Variants in TSPAN8 observed in about 807,000 individuals in gnomAD.
TSPAN8 encodes the protein tetraspanin 8.
A neutral mutation model predicts 32.8 loss-of-function variants in TSPAN8; 21 were observed. The observed-to-expected ratio is 0.64, with a 90% CI of 0.45 to 0.92. The LOEUF (loss-of-function observed/expected upper bound fraction) is 0.92. Among genes scored for constraint, TSPAN8 ranks in the 40% least tolerant of loss-of-function variants. TSPAN8 has a pLI of 0.00. For missense variants in TSPAN8, 269 were observed against 281.9 expected (o/e 0.95, Z 0.33); for synonymous variants, 95 against 94.6 (o/e 1.00, Z -0.03).
chr12:71,128,736 T>C (rs988147942), intron 8 of TSPAN8, among the ~76,000 whole-genome samples: 3 of 151,742 alleles, frequency 2.0e-5, no homozygotes, highest in Non-Finnish European at 4.4e-5. Flanking sequence ...ATTAAAGTGA[T>C]GAAAGTAATA....
At chr12:71,137,601 C>A (rs1380417920) in intron 6 of TSPAN8, among the ~76,000 whole-genome samples, 3 of 70,572 alleles carry the variant, frequency 4.3e-5, no homozygotes, top group African/African-American at 8.6e-5. Flanking sequence ...CTCTGTCCCC[C>A]CCCAAAAAAA....
In TSPAN8 at chr12:71,129,403, A is replaced by G; in HGVS notation, c.588T>C (p.Ser196=). The part of the protein sequence containing the change: ...GKQVYKETCI[S]FIKDFLAKNL... The stretch of plus-strand genomic sequence containing the variant: ...TTTTTGCCAAGAAGTCTTTTATGAA[A>G]GAAATACAGGTCTGTTAAAAAAAAA... Residue 196 remains serine, a synonymous_variant, in exon 8 of 9, where the codon TCT becomes TCC. Coordinates refer to ENST00000247829, the MANE Select transcript of TSPAN8 (RefSeq NM_004616.3). The G allele has an allele frequency of 2.5e-6, 4 of 1,579,018 alleles. No individual in the cohort carries two copies. The highest frequency in any genetic ancestry group is 1.7e-4 in the Middle Eastern group (1 of 5,922).
intron 6 of TSPAN8, among the ~76,000 whole-genome samples, chr12:71,133,140 G>A (rs945687307): frequency 1.3e-5 from 2 of 152,110 alleles, no homozygotes; most frequent in African/African-American, 4.8e-5. Flanking sequence ...CTGGAGTGCA[G>A]TGACGCGATC....
intron 3 of TSPAN8, among the ~76,000 whole-genome samples, chr12:71,142,152 AT>A (rs1241032729): frequency 6.6e-6 from 1 of 152,172 alleles, no homozygotes. Context: ...TGAGAAAAAT[AT>A]AAACCAAGCC....
rs146168385 is a variant in TSPAN8, at chr12:71,129,746, T to C, written c.577-332A>G. 5.0e-4 allele frequency among the ~76,000 whole-genome samples: 76 copies of C among 152,222 alleles called. No individual in the cohort carries two copies. In the East Asian group the frequency reaches 0.012, roughly 24 times the overall value. On this transcript the variant is annotated intron_variant, in intron 7 of 8. Coordinates refer to ENST00000247829, the MANE Select transcript of TSPAN8 (RefSeq NM_004616.3). Reference sequence around the variant, plus strand: ...TTTATAATTTATACTATAAATTTTATAGCTGATAAAGCTATATATTTTACA... The same window carrying C: ...TTTATAATTTATACTATAAATTTTACAGCTGATAAAGCTATATATTTTACA...
At position 71,144,225 on chromosome 12, in the gene TSPAN8, A is replaced by C; in HGVS notation, c.61-12T>G. ...AAGATACCACATAGCTGCAGAAAAAAACAAACAAACAAAAAGAATACAATT... is the reference window on the plus strand; with the variant it reads ...AAGATACCACATAGCTGCAGAAAAACACAAACAAACAAAAAGAATACAATT... On this transcript the variant is annotated splice_polypyrimidine_tract_variant and intron_variant, in intron 2 of 8. Coordinates refer to ENST00000247829, the MANE Select transcript of TSPAN8 (RefSeq NM_004616.3). 6.2e-7 allele frequency: 1 copy of C among 1,606,750 alleles called. No homozygotes were observed. Among genetic ancestry groups the C allele is most frequent in the Non-Finnish European group, 8.5e-7 (1 of 1,177,724 alleles).
At chr12:71,157,142 C>T (rs1182398922) in intron 2 of TSPAN8, 1 of 152,550 alleles carries the variant, frequency 6.6e-6, no homozygotes, top group Non-Finnish European at 1.5e-5. Context: ...TTTTTCATGA[C>T]CCATTTTTTT....
At position 71,148,633 on chromosome 12, in the gene TSPAN8, T is replaced by C. The variant is rs368441988; in HGVS notation, c.61-4420A>G. Among the ~76,000 whole-genome samples the C allele has an allele frequency of 6.6e-5, 10 of 152,180 alleles. No individual in the cohort carries two copies. The East Asian group carries it at 9.6e-4, about 15-fold the overall frequency. The stretch of plus-strand genomic sequence containing the variant: ...TTGTCCTCTTTTTCAGGAGTACAGC[T>C]TATTTTGGGTTTCCATTCTCTGTTG... On this transcript the variant is annotated intron_variant, in intron 2 of 8. Coordinates refer to ENST00000247829, the MANE Select transcript of TSPAN8 (RefSeq NM_004616.3).
intron 6 of TSPAN8, among the ~76,000 whole-genome samples, chr12:71,137,155 T>C (rs1451299439): frequency 1.3e-5 from 2 of 152,090 alleles, no homozygotes; most frequent in African/African-American, 2.4e-5. Flanking sequence ...TGGTGTGTGC[T>C]TGTGGTCCTA....
intron 6 of TSPAN8, among the ~76,000 whole-genome samples, chr12:71,137,693 T>C (rs1435363308): frequency 2.6e-5 from 4 of 152,218 alleles, no homozygotes; most frequent in Non-Finnish European, 4.4e-5. Flanking sequence ...AAAACTATTA[T>C]TGATTTGACT....
chr12:71,143,635 C>T (rs371567275), intron 3 of TSPAN8, among the ~76,000 whole-genome samples: 43 of 152,256 alleles, frequency 2.8e-4, no homozygotes, highest in African/African-American at 1.0e-3. Flanking sequence ...TGCCAGTTGC[C>T]ACAGGTAAAT....
rs780409087 is a variant in TSPAN8, at chr12:71,138,194, C to A, written c.298G>T (p.Val100Leu). 2 of 1,614,016 alleles carry A rather than the reference C, an allele frequency of 1.2e-6. No homozygotes were observed. Among genetic ancestry groups the A allele is most frequent in the Admixed American group, 1.7e-5 (1 of 59,998 alleles). ...ACAGCTCCTAGGATACCTGTCGCCA[C>A]CTGCAGGAGCAGGATCAGAAGCAAG... ...IGLLLILLLQ[V>L]ATGILGAVFK... Residue 100 changes from valine (V) to leucine (L), a missense_variant, in exon 5 of 9, where the codon GTG (valine) becomes TTG (leucine). Physicochemically the swap from Val to Leu is conservative, Grantham distance 32. Coordinates refer to ENST00000247829, the MANE Select transcript of TSPAN8 (RefSeq NM_004616.3).
At chr12:71,132,646 G>T (rs1340683441) in intron 7 of TSPAN8, 47 bp downstream of exon 7, 4 of 1,591,306 alleles carry the variant, frequency 2.5e-6, no homozygotes, top group Non-Finnish European at 3.4e-6. Flanking sequence ...ATTGTGAAAA[G>T]AAAGTAACAG....
intron 2 of TSPAN8, among the ~76,000 whole-genome samples, chr12:71,149,028 C>T (rs1472564211): frequency 1.3e-5 from 2 of 152,092 alleles, no homozygotes; most frequent in Non-Finnish European, 2.9e-5. Context: ...GTGGCAATAT[C>T]TTTCACTTGT....
chr12:71,133,850 T>C (rs982477662), intron 6 of TSPAN8, among the ~76,000 whole-genome samples: 7 of 152,110 alleles, frequency 4.6e-5, no homozygotes, highest in African/African-American at 1.7e-4. Flanking sequence ...TTATCCCTCA[T>C]GTTGCTTCCA....
At chr12:71,155,184 C>T (rs998558625) in intron 2 of TSPAN8, among the ~76,000 whole-genome samples, 1 of 152,100 alleles carries the variant, frequency 6.6e-6, no homozygotes, top group African/African-American at 2.4e-5. Context: ...AGAAAGTGTT[C>T]CAGCTAATAA....
At chr12:71,129,479 T>G in intron 7 of TSPAN8, 65 bp from the exon 8 acceptor site, 2 of 1,416,744 alleles carry the variant, frequency 1.4e-6, no homozygotes, top group South Asian at 2.8e-5. Context: ...TTAATCAAAA[T>G]TTTTATTAAT....
At chr12:71,135,716 C>T (rs928811300) in intron 6 of TSPAN8, among the ~76,000 whole-genome samples, 5 of 152,102 alleles carry the variant, frequency 3.3e-5, no homozygotes, top group Non-Finnish European at 7.4e-5. Flanking sequence ...GCATGGAGAC[C>T]TTGAATCCAG....
intron 2 of TSPAN8, among the ~76,000 whole-genome samples, chr12:71,152,540 C>G (rs913917293): frequency 6.6e-6 from 1 of 152,116 alleles, no homozygotes; most frequent in Non-Finnish European, 1.5e-5. Flanking sequence ...ACTACTATCC[C>G]CATTTTTACA....
Sources: gnomAD v4.1 joint callset for allele counts (sites outside exome capture counted in the v4.1 genomes callset) on GRCh38, gnomAD v4.1.1 for gene constraint, MANE v1.5 for transcripts, NCBI Gene and HGNC (gene_info 2026-07-23, HGNC 2026-07-21) for gene names.